The following DUSP14 variants were observed in gnomAD, a reference collection of about 807,000 sequenced individuals.
The protein encoded by DUSP14 is dual specificity phosphatase 14.
Under a neutral mutation model 13.2 loss-of-function variants are expected in DUSP14, and 5 were observed. The ratio of observed to expected loss-of-function variants is 0.38; its 90% CI spans 0.20 to 0.80. The LOEUF is 0.80. DUSP14 is among the 30% of genes least tolerant of loss of function. The probability of loss-of-function intolerance (pLI) is 0.44; values close to 1 mark genes in which losing one functional copy is unlikely to be tolerated. For synonymous variants in DUSP14, 91 were observed against 103.4 expected (o/e 0.88, Z 0.73); for missense variants, 185 against 264.0 (o/e 0.70, Z 2.07).
intron 1 of DUSP14, among the ~76,000 whole-genome samples, chr17:37,509,135 A>ATATGTATATATATATG: frequency 2.6e-5 from 1 of 38,956 alleles, no homozygotes; most frequent in African/African-American, 1.6e-4. Flanking sequence ...ATATACACAC[A>ATATGTATATATATATG]CACACACACA....
chr17:37,504,469 T>C lies in DUSP14; in HGVS notation c.-180-6208T>C, dbSNP rs185266116. Among the ~76,000 whole-genome samples, 297 of 152,304 alleles carry C rather than the reference T, an allele frequency of 2.0e-3. 2 individuals are homozygous for C. Among genetic ancestry groups the C allele is most frequent in the Non-Finnish European group, 2.1e-3 (143 of 68,026 alleles). On this transcript the variant is annotated intron_variant, in intron 1 of 2. Coordinates refer to ENST00000617516, the MANE Select transcript of DUSP14 (RefSeq NM_007026.4). ...TTATCCTATGATATCAGTTAATTAA[T>C]ACAGTGAGAAAAGCAAAAACGATCC...
intron 1 of DUSP14, among the ~76,000 whole-genome samples, chr17:37,505,869 T>C (rs905153212): frequency 6.6e-6 from 1 of 152,110 alleles, no homozygotes; most frequent in Non-Finnish European, 1.5e-5. Flanking sequence ...TTACTGAGAT[T>C]AGAGGCCCGC....
Position 37,513,042 on chromosome 17 carries a change from A to G in DUSP14, c.*173A>G, listed in dbSNP as rs930158947. The G allele has an allele frequency of 3.3e-6, 2 of 599,714 alleles. No individual in the cohort carries two copies. Among genetic ancestry groups the G allele is most frequent in the Non-Finnish European group, 6.0e-6 (2 of 332,628 alleles). 37.1% of individuals were successfully genotyped at this position (599,714 alleles called of 1,614,324 possible). On this transcript the variant is annotated 3_prime_UTR_variant, in exon 3 of 3. Transcript: ENST00000617516. ...TAGGGAGGGAGGGGACATAAAGGGA[A>G]TGCATACATTGCTAGTCACATTTTT...
At chr17:37,508,003 G>A (rs1479020702) in intron 1 of DUSP14, among the ~76,000 whole-genome samples, 1 of 152,210 alleles carries the variant, frequency 6.6e-6, no homozygotes, top group Non-Finnish European at 1.5e-5. Flanking sequence ...GCACACACAC[G>A]CAGTTTCCTT....
In DUSP14 at chr17:37,511,436, A is replaced by G. The variant is rs144443800; in HGVS notation, c.-93+672A>G. Among the ~76,000 whole-genome samples the G allele has an allele frequency of 7.1e-4, 108 of 151,952 alleles. No homozygotes were observed. In the East Asian group the frequency reaches 0.014, roughly 20 times the overall value. Reference sequence around the variant, plus strand: ...GCTGGGATTACAGGTGCTCGCCACCATGCTCAGCTAATTTTTGTATTTTTA... The same window carrying G: ...GCTGGGATTACAGGTGCTCGCCACCGTGCTCAGCTAATTTTTGTATTTTTA... On this transcript the variant is annotated intron_variant, in intron 2 of 2. Coordinates refer to ENST00000617516, the MANE Select transcript of DUSP14 (RefSeq NM_007026.4).
chr17:37,511,938 C>CGTTTTTTTTTTTTTTTTTTT (rs1568206074), intron 2 of DUSP14, among the ~76,000 whole-genome samples: 4 of 38,254 alleles, frequency 1.0e-4, no homozygotes, highest in African/African-American at 2.0e-4. Context: ...CCCCACCCCA[C>CGTTTTTTTTTTTTTTTTTTT]TTTTTTTTTT....
intron 1 of DUSP14, chr17:37,491,532 G>T (rs542720192): frequency 6.6e-6 from 1 of 152,226 alleles, no homozygotes; most frequent in Non-Finnish European, 1.5e-5. Flanking sequence ...CATAAAACTG[G>T]AGACAGTTTC....
intron 1 of DUSP14, among the ~76,000 whole-genome samples, chr17:37,497,926 G>A (rs2054076651): frequency 6.6e-6 from 1 of 151,866 alleles, no homozygotes; most frequent in African/African-American, 2.4e-5. Context: ...CACCCCTGTA[G>A]CCCCAGCTAC....
chr17:37,507,434 C>T (rs1227261338), intron 1 of DUSP14, among the ~76,000 whole-genome samples: 1 of 152,210 alleles, frequency 6.6e-6, no homozygotes, highest in African/African-American at 2.4e-5. Context: ...GCTCCTTTGC[C>T]TCAGGAAGGC....
chr17:37,490,254 G>A (rs796476289), intron 1 of DUSP14, among the ~76,000 whole-genome samples: 97 of 152,078 alleles, frequency 6.4e-4, no homozygotes, highest in African/African-American at 2.2e-3. Flanking sequence ...CCCTGTCCCT[G>A]TGCCCCGGGG....
intron 1 of DUSP14, among the ~76,000 whole-genome samples, chr17:37,507,746 T>G (rs903278716): frequency 2.6e-5 from 4 of 152,148 alleles, no homozygotes; most frequent in African/African-American, 7.2e-5. Flanking sequence ...TGGCCAAGCC[T>G]CTCTGAATTA....
chr17:37,503,197 G>A (rs2054116074), intron 1 of DUSP14, among the ~76,000 whole-genome samples: 1 of 152,198 alleles, frequency 6.6e-6, no homozygotes, highest in Non-Finnish European at 1.5e-5. Flanking sequence ...GGCCGAGGTA[G>A]GTAGATTGCT....
Position 37,512,312 on chromosome 17 carries a change from A to ATG in DUSP14, c.41_42dup (p.Ala15TrpfsTer5). 1 of 1,613,692 alleles carries ATG rather than the reference A, an allele frequency of 6.2e-7. No homozygotes were observed. Among genetic ancestry groups the ATG allele is most frequent in the Non-Finnish European group, 8.5e-7 (1 of 1,179,740 alleles). On this transcript the variant is annotated frameshift_variant, in exon 3 of 3. Transcript: ENST00000617516. LOFTEE classifies it high-confidence loss of function. The surrounding 1 kb of genome is among the most constrained non-coding windows in gnomAD (Gnocchi z 4.8). ...TCACAGCACGCTACCAAGGACTCTC[A>ATG]TGGCCCCTCGGATGATTTCCGAGGG...
intron 1 of DUSP14, among the ~76,000 whole-genome samples, chr17:37,500,200 C>T (rs2054096312): frequency 6.6e-6 from 1 of 152,198 alleles, no homozygotes; most frequent in Non-Finnish European, 1.5e-5. Context: ...TTTATTAGTA[C>T]ATTATAAGTG....
chr17:37,511,933 C>A (rs1291920971), intron 2 of DUSP14, among the ~76,000 whole-genome samples: 1 of 27,178 alleles, frequency 3.7e-5, no homozygotes, highest in Non-Finnish European at 6.3e-5. Flanking sequence ...CCCCCCCCCA[C>A]CCCACTTTTT....
At chr17:37,495,652 T>TTTTTTTTTG (rs1568199603) in intron 1 of DUSP14, among the ~76,000 whole-genome samples, 2 of 149,454 alleles carry the variant, frequency 1.3e-5, no homozygotes, top group Non-Finnish European at 3.0e-5. Flanking sequence ...TTAAGTTTTG[T>TTTTTTTTTG]TTTTTTTGTT....
rs1289475231 is a variant in DUSP14 at position 37,489,930 on chromosome 17, C to T, written c.-209C>T. On this transcript the variant is annotated 5_prime_UTR_variant, in exon 1 of 3. Transcript: ENST00000617516. ...CCGCGCAGGAGGACGGAGCCCTAAC[C>T]GCAACCCGCTCCGCGCCGCGCCGCG... is the stretch of plus-strand genomic sequence containing the variant. 1 of 81,868 alleles carries T rather than the reference C, an allele frequency of 1.2e-5. No homozygotes were observed. Among genetic ancestry groups the T allele is most frequent in the African/African-American group, 5.5e-5 (1 of 18,102 alleles). 5.1% of individuals were successfully genotyped at this position (81,868 alleles called of 1,614,324 possible).
intron 1 of DUSP14, among the ~76,000 whole-genome samples, chr17:37,490,958 G>C (rs1457080103): frequency 6.6e-6 from 1 of 152,196 alleles, no homozygotes; most frequent in East Asian, 1.9e-4. Flanking sequence ...TCAGAAGTAT[G>C]ATGGAATGTT....
intron 1 of DUSP14, among the ~76,000 whole-genome samples, chr17:37,497,265 C>G (rs1444537640): frequency 6.6e-6 from 1 of 152,060 alleles, no homozygotes; most frequent in Admixed American, 6.5e-5. Flanking sequence ...ACCTCAGCCT[C>G]CTGAGTAGCT....
Sources: allele counts gnomAD v4.1 joint callset (sites outside exome capture counted in the v4.1 genomes callset), GRCh38; gene constraint gnomAD v4.1.1; non-coding constraint Gnocchi (gnomAD v3.1); transcripts MANE v1.5; gene names NCBI Gene and HGNC (gene_info 2026-07-23, HGNC 2026-07-21).